The following DNAJC24 variants were observed in gnomAD, a reference collection of about 807,000 sequenced individuals.
DNAJC24 encodes DnaJ heat shock protein family (Hsp40) member C24.
DNAJC24 carries 17 observed loss-of-function variants against 18.0 expected under a neutral mutation model. The observed-to-expected ratio is 0.94, with a 90% CI of 0.65 to 1.42. The LOEUF (loss-of-function observed/expected upper bound fraction) is 1.42, where lower values mean the gene tolerates loss of function less well. Among genes scored for constraint, DNAJC24 ranks in the 40% most tolerant of loss-of-function variants. The pLI is 0.00. For missense variants in DNAJC24, 158 were observed against 175.6 expected, an observed-to-expected ratio of 0.90 and a Z score of 0.57; for synonymous variants, 55 against 57.7, an observed-to-expected ratio of 0.95 and a Z score of 0.21.
chr11:31,414,205 C>T (rs1952734382), intron 2 of DNAJC24, among the ~76,000 whole-genome samples: 1 of 152,054 alleles, frequency 6.6e-6, no homozygotes, highest in African/African-American at 2.4e-5. Context: ...TGTTTGAATT[C>T]TTTAAAGTTA....
intron 2 of DNAJC24, among the ~76,000 whole-genome samples, chr11:31,413,565 C>A (rs1230379006): frequency 3.9e-5 from 6 of 151,988 alleles, no homozygotes; most frequent in Admixed American, 3.9e-4. Context: ...ATCTCCTGAC[C>A]TTGTGATCCG....
chr11:31,393,555 TACTC>T (rs1010977688), intron 2 of DNAJC24, among the ~76,000 whole-genome samples: 4 of 152,120 alleles, frequency 2.6e-5, no homozygotes, highest in African/African-American at 9.7e-5. Flanking sequence ...AGTTCCCTCT[TACTC>T]TCTCTTGGCC....
chr11:31,385,165 A>G (rs1952415899), intron 2 of DNAJC24: 2 of 152,208 alleles, frequency 1.3e-5, no homozygotes, highest in Admixed American at 6.5e-5. Context: ...GAAAGTAAAT[A>G]TTAAAAGGAA....
At chr11:31,396,524 A>G (rs1010315126) in intron 2 of DNAJC24, 1 of 215,764 alleles carries the variant, frequency 4.6e-6, no homozygotes, top group Non-Finnish European at 9.6e-6. Context: ...TGACTTCCAA[A>G]TTTATGTCCC....
At chr11:31,376,810 A>T (rs1010430926) in intron 2 of DNAJC24, among the ~76,000 whole-genome samples, 1 of 152,166 alleles carries the variant, frequency 6.6e-6, no homozygotes, top group Non-Finnish European at 1.5e-5. Flanking sequence ...AGTATTATGG[A>T]AGGTCAGACA....
intron 2 of DNAJC24, among the ~76,000 whole-genome samples, chr11:31,390,216 C>T (rs549967358): frequency 2.1e-4 from 32 of 151,934 alleles, no homozygotes; most frequent in African/African-American, 7.2e-4. Context: ...GCCAACATGG[C>T]GGAACCCTGT....
chr11:31,383,230 C>G (rs1952395270), intron 2 of DNAJC24, among the ~76,000 whole-genome samples: 1 of 151,900 alleles, frequency 6.6e-6, no homozygotes, highest in Non-Finnish European at 1.5e-5. Context: ...AACCATCAAC[C>G]CCTCTCCACT....
At chr11:31,420,133 G>C (rs1952789530) in intron 3 of DNAJC24, among the ~76,000 whole-genome samples, 1 of 152,034 alleles carries the variant, frequency 6.6e-6, no homozygotes. Flanking sequence ...GCTTGTCCCT[G>C]CTACTTTTTC....
chr11:31,423,875 A>G (rs1441205813), intron 3 of DNAJC24, among the ~76,000 whole-genome samples: 1 of 152,202 alleles, frequency 6.6e-6, no homozygotes, highest in Non-Finnish European at 1.5e-5. Context: ...TTTCATATTT[A>G]CCATGAGATA....
At chr11:31,404,946 G>C (rs1158068191) in intron 2 of DNAJC24, among the ~76,000 whole-genome samples, 1 of 151,738 alleles carries the variant, frequency 6.6e-6, no homozygotes. Context: ...CTGAGATTCT[G>C]ATCTCTTGTT....
At chr11:31,414,139 T>G (rs1443023390) in intron 2 of DNAJC24, among the ~76,000 whole-genome samples, 1 of 152,188 alleles carries the variant, frequency 6.6e-6, no homozygotes, top group African/African-American at 2.4e-5. Flanking sequence ...ACAAAAATTT[T>G]TAGACTTTTT....
In DNAJC24 at chr11:31,430,505, T is replaced by C. The variant is rs940711521; in HGVS notation, c.*104T>C. On this transcript the variant is annotated 3_prime_UTR_variant, in exon 5 of 5. Transcript: ENST00000465995. ...AATGGATTATTTGTCAGCCCGATTA[T>C]TTGCAAAGAAAATATACAATTATCA... 1.2e-5 allele frequency: 12 copies of C among 1,006,614 alleles called. No homozygotes were observed. In the African/African-American group the frequency reaches 1.3e-4, roughly 11 times the overall value. The allele number at this position is 1,006,614 out of a possible 1,614,324, so 62.4% of individuals were successfully genotyped here.
intron 3 of DNAJC24, among the ~76,000 whole-genome samples, chr11:31,423,263 T>C (rs1224517253): frequency 6.6e-6 from 1 of 152,126 alleles, no homozygotes; most frequent in Non-Finnish European, 1.5e-5. Flanking sequence ...TGGTTTTGTT[T>C]TTGTTTTTTG....
chr11:31,429,372 T>A (rs535983610), intron 4 of DNAJC24: 1 of 259,190 alleles, frequency 3.9e-6, no homozygotes, highest in African/African-American at 2.2e-5. Flanking sequence ...AATTTGATAA[T>A]GGAATGAAGA....
At chr11:31,423,511 T>G (rs533303189) in intron 3 of DNAJC24, among the ~76,000 whole-genome samples, 32 of 152,326 alleles carry the variant, frequency 2.1e-4, no homozygotes, top group Non-Finnish European at 3.7e-4. Context: ...TCCACCCGCC[T>G]CGGCCTCCCA....
At chr11:31,389,213 C>T (rs112581935) in intron 2 of DNAJC24, among the ~76,000 whole-genome samples, 1,953 of 152,102 alleles carry the variant, frequency 0.013, 21 homozygotes, top group Middle Eastern at 0.092. Flanking sequence ...GAAATACTGG[C>T]TGAATGAATT....
In DNAJC24 at chr11:31,406,588, G is replaced by A. The variant is rs553883384; in HGVS notation, c.112-8223G>A. On this transcript the variant is annotated intron_variant, in intron 2 of 4. Coordinates refer to ENST00000465995, the MANE Select transcript of DNAJC24 (RefSeq NM_181706.5). ...TTATATTGTAGGACTTTACTTTTAAGGATAAAGAGTTTCACTGTAATTCAC... is the reference window on the plus strand; with the variant it reads ...TTATATTGTAGGACTTTACTTTTAAAGATAAAGAGTTTCACTGTAATTCAC... Among the ~76,000 whole-genome samples the A allele has an allele frequency of 9.9e-5, 15 of 152,270 alleles. No homozygotes were observed. In the South Asian group the frequency reaches 3.1e-3, roughly 32 times the overall value.
At chr11:31,416,113 T>C (rs1952749499) in intron 3 of DNAJC24, 1 of 152,154 alleles carries the variant, frequency 6.6e-6, no homozygotes, top group South Asian at 2.1e-4. Context: ...CTCAAAGGCT[T>C]TACTACTTTT....
intron 2 of DNAJC24, among the ~76,000 whole-genome samples, chr11:31,380,664 CTT>C (rs1952367610): frequency 6.6e-6 from 1 of 152,084 alleles, no homozygotes; most frequent in African/African-American, 2.4e-5. Flanking sequence ...AAAAAATAAA[CTT>C]TATTGAGGTA....
Sources: gnomAD v4.1 joint callset for allele counts (sites outside exome capture counted in the v4.1 genomes callset) on GRCh38, gnomAD v4.1.1 for gene constraint, MANE v1.5 for transcripts, NCBI Gene and HGNC (gene_info 2026-07-23, HGNC 2026-07-21) for gene names.